The following GRID1 variants were observed in gnomAD, a reference collection of about 807,000 sequenced individuals.
The protein encoded by GRID1 is glutamate ionotropic receptor delta type subunit 1.
Under a neutral mutation model 98.0 loss-of-function variants are expected in GRID1, and 28 were observed. That is an observed-to-expected ratio of 0.29 (90% CI 0.21 to 0.39). GRID1 has a LOEUF of 0.39. GRID1 is among the 10% of genes least tolerant of loss of function. The pLI, the probability that GRID1 is intolerant of heterozygous loss-of-function variation, is 1.00. For synonymous variants in GRID1, 553 were observed against 538.5 expected (o/e 1.03, Z -0.37); for missense variants, 1,111 against 1,340.5 (o/e 0.83, Z 2.67).
rs1848669439 is a variant in GRID1, at chr10:86,365,879, C to A, written c.79+435G>T. On this transcript the variant is annotated intron_variant, in intron 1 of 15. Transcript: ENST00000327946. The surrounding 1 kb of genome is among the most constrained non-coding windows in gnomAD (Gnocchi z 4.8). ...CACACGCTGACAACACGCACCCACA[C>A]ACATTCACACACGGTTCCGGTCCGG... 6.6e-6 allele frequency among the ~76,000 whole-genome samples: 1 copy of A among 152,072 alleles called. No individual in the cohort carries two copies. The highest frequency in any genetic ancestry group is 1.5e-5 in the Non-Finnish European group (1 of 68,006).
At chr10:85,950,732 C>G (rs551126047) in intron 4 of GRID1, among the ~76,000 whole-genome samples, 34 of 152,170 alleles carry the variant, frequency 2.2e-4, no homozygotes, top group Non-Finnish European at 3.7e-4. Context: ...TCCTACACCC[C>G]GCTTGGCACA....
At chr10:86,244,950 T>C (rs1368662861) in intron 2 of GRID1, among the ~76,000 whole-genome samples, 2 of 152,162 alleles carry the variant, frequency 1.3e-5, no homozygotes, top group Non-Finnish European at 2.9e-5. Flanking sequence ...CCATTGCAGG[T>C]AAATATTTAA....
intron 4 of GRID1, among the ~76,000 whole-genome samples, chr10:86,036,013 G>A (rs914605572): frequency 6.6e-6 from 1 of 152,142 alleles, no homozygotes; most frequent in African/African-American, 2.4e-5. Context: ...GGGCTGTGAG[G>A]GCACATCGCC....
intron 8 of GRID1, among the ~76,000 whole-genome samples, chr10:85,830,132 T>A (rs1842855067): frequency 6.6e-6 from 1 of 151,866 alleles, no homozygotes; most frequent in Non-Finnish European, 1.5e-5. Context: ...TGGAACAGAA[T>A]AAAGAGCCCA....
Position 86,366,252 on chromosome 10 carries a change from G to A in GRID1, c.79+62C>T, listed in dbSNP as rs1035381733. 7.4e-6 allele frequency: 9 copies of A among 1,216,828 alleles called. No individual in the cohort carries two copies. Among genetic ancestry groups the A allele is most frequent in the Admixed American group, 2.7e-5 (1 of 37,552 alleles). 75.4% of individuals were successfully genotyped at this position (1,216,828 alleles called of 1,614,324 possible). A position where few individuals can be genotyped will look rare whatever the true frequency, so the allele number is the denominator to read the frequency against. On this transcript the variant is annotated intron_variant, in intron 1 of 15. Transcript: ENST00000327946. The surrounding 1 kb of genome is among the most constrained non-coding windows in gnomAD (Gnocchi z 4.1). Reference sequence around the variant, plus strand: ...CAGGGAAACGCCAAGTTTGGACGCCGCGCACCCCCTGCCCCGTTGGGGCCC... The same window carrying A: ...CAGGGAAACGCCAAGTTTGGACGCCACGCACCCCCTGCCCCGTTGGGGCCC...
intron 8 of GRID1, among the ~76,000 whole-genome samples, chr10:85,760,618 T>TCA (rs769147606): frequency 4.6e-5 from 7 of 152,014 alleles, no homozygotes; most frequent in Admixed American, 1.3e-4. Flanking sequence ...ATGAGACTGG[T>TCA]CACACACACA....
At position 85,916,451 on chromosome 10, in the gene GRID1, C is replaced by T. The variant is rs987850610; in HGVS notation, c.727-212G>A. Among the ~76,000 whole-genome samples the T allele has an allele frequency of 6.6e-6, 1 of 151,088 alleles. No individual in the cohort carries two copies. The highest frequency in any genetic ancestry group is 2.5e-5 in the African/African-American group (1 of 40,700). On this transcript the variant is annotated intron_variant, in intron 4 of 15. Coordinates refer to ENST00000327946, the MANE Select transcript of GRID1 (RefSeq NM_017551.3). This position sits in a 1 kb window ranked among gnomAD's most constrained non-coding sequence, Gnocchi z 4.0. ...TGATTTCCTGCTCTCCCTCCACGCA[C>T]TCCTGCACCAGCCCAGAGCAAGATT... is the stretch of plus-strand genomic sequence containing the variant.
At chr10:85,661,728 A>T (rs1055169364) in intron 12 of GRID1, among the ~76,000 whole-genome samples, 5 of 152,338 alleles carry the variant, frequency 3.3e-5, no homozygotes, top group African/African-American at 1.2e-4. Flanking sequence ...TCTTAACAAC[A>T]TAATAATGTC....
chr10:86,250,424 T>C (rs368692388), intron 2 of GRID1, among the ~76,000 whole-genome samples: 14 of 152,252 alleles, frequency 9.2e-5, no homozygotes, highest in Non-Finnish European at 1.8e-4. Flanking sequence ...AGTTTCAGCA[T>C]TGCAGTGTAT....
intron 8 of GRID1, among the ~76,000 whole-genome samples, chr10:85,806,735 GATA>G (rs1181593843): frequency 1.3e-5 from 2 of 152,116 alleles, no homozygotes; most frequent in African/African-American, 4.8e-5. Context: ...TTCTAGAATA[GATA>G]ATATTTATAG....
intron 8 of GRID1, among the ~76,000 whole-genome samples, chr10:85,820,027 A>AAGGAAGGCAGGC (rs1564600207): frequency 5.3e-4 from 35 of 66,494 alleles, no homozygotes; most frequent in South Asian, 2.6e-3. Flanking sequence ...GGAAGGAAGG[A>AAGGAAGGCAGGC]AGGCAGGCAG....
chr10:85,760,254 C>A (rs946272498), intron 8 of GRID1, among the ~76,000 whole-genome samples: 1 of 152,102 alleles, frequency 6.6e-6, no homozygotes, highest in Non-Finnish European at 1.5e-5. Context: ...ATATAAATGG[C>A]AATTTTATAT....
chr10:85,796,486 T>C (rs932530119), intron 8 of GRID1, among the ~76,000 whole-genome samples: 6 of 152,206 alleles, frequency 3.9e-5, no homozygotes, highest in African/African-American at 1.2e-4. Flanking sequence ...CTCCAACTTA[T>C]GTAATGCCAC....
intron 3 of GRID1, among the ~76,000 whole-genome samples, chr10:86,170,650 T>TAC (rs778913443): frequency 6.6e-6 from 1 of 152,158 alleles, no homozygotes; most frequent in Admixed American, 6.5e-5. Context: ...GTCTCTCTCC[T>TAC]ACACACACAA....
intron 5 of GRID1, among the ~76,000 whole-genome samples, chr10:85,877,801 C>T (rs36004458): frequency 0.055 from 8,415 of 152,242 alleles, 311 homozygotes; most frequent in Non-Finnish European, 0.079. Context: ...GAGAAGAAGG[C>T]TTCAGACGAT....
rs894433971 is a variant in GRID1 at position 86,124,847 on chromosome 10, G to A, written c.726+13972C>T. 2.6e-5 allele frequency among the ~76,000 whole-genome samples: 4 copies of A among 152,162 alleles called. No individual in the cohort carries two copies. The South Asian group carries it at 6.2e-4, about 24-fold the overall frequency. On this transcript the variant is annotated intron_variant, in intron 4 of 15. Transcript: ENST00000327946. ...ACAGGGAACTGGACAGAGCCAGGGC[G>A]GGAGCTTATGGAAACCTTAGTCCCA...
intron 4 of GRID1, among the ~76,000 whole-genome samples, chr10:85,943,595 C>T (rs1254170605): frequency 6.6e-6 from 1 of 152,184 alleles, no homozygotes; most frequent in Non-Finnish European, 1.5e-5. Context: ...AATCCAGGCA[C>T]ACTTAAAATC....
chr10:85,640,919 C>A (rs768162204), intron 13 of GRID1, among the ~76,000 whole-genome samples: 2 of 152,194 alleles, frequency 1.3e-5, no homozygotes, highest in Non-Finnish European at 2.9e-5. Context: ...CAGAAAAACA[C>A]CACCTTTTGT....
intron 12 of GRID1, among the ~76,000 whole-genome samples, chr10:85,672,362 C>A (rs976426415): frequency 2.6e-5 from 4 of 152,188 alleles, no homozygotes; most frequent in African/African-American, 9.7e-5. Context: ...GGCCGGAGTG[C>A]AGTGGTGCAA....
Sources: gnomAD v4.1 joint callset for allele counts (sites outside exome capture counted in the v4.1 genomes callset) on GRCh38, gnomAD v4.1.1 for gene constraint, Gnocchi (gnomAD v3.1) non-coding constraint, MANE v1.5 for transcripts, NCBI Gene and HGNC (gene_info 2026-07-23, HGNC 2026-07-21) for gene names.